CELF2: variants seen among roughly 807,000 people sequenced by gnomAD.
The protein encoded by CELF2 is CUGBP Elav-like family member 2, also known as CUG triplet repeat RNA-binding protein 2.
In CELF2, 8 loss-of-function variants were observed where a neutral mutation model predicts 62.6. The observed-to-expected ratio is 0.13, with a 90% CI of 0.07 to 0.23. The LOEUF is 0.23. Ranked by LOEUF, CELF2 falls within the 10% of genes least tolerant of loss-of-function variation. The probability of loss-of-function intolerance (pLI) is 1.00; values close to 1 mark genes in which losing one functional copy is unlikely to be tolerated. For synonymous variants in CELF2, 258 were observed against 250.0 expected (o/e 1.03, Z -0.30); for missense variants, 333 against 671.0 (o/e 0.50, Z 5.56).
At chr10:10,827,884 G>C (rs1420371138) in intron 1 of CELF2, among the ~76,000 whole-genome samples, 1 of 147,814 alleles carries the variant, frequency 6.8e-6, no homozygotes, top group Non-Finnish European at 1.5e-5. Flanking sequence ...CTAGAGAGTA[G>C]AATAAAACAC....
chr10:10,491,495 T>C, the CELF2 span, among the ~76,000 whole-genome samples: 1 of 152,178 alleles, frequency 6.6e-6, no homozygotes, highest in African/African-American at 2.4e-5. Flanking sequence ...CAGCCCTGTG[T>C]TTTCCTAAAT....
intron 1 of CELF2, chr10:11,030,576 A>G (rs2059940754): frequency 6.6e-6 from 1 of 152,218 alleles, no homozygotes. Context: ...CCGAGGTTGC[A>G]GCTCTGTTTC....
chr10:10,535,779 G>T, the CELF2 span, among the ~76,000 whole-genome samples: 1 of 152,188 alleles, frequency 6.6e-6, no homozygotes, highest in Non-Finnish European at 1.5e-5. Flanking sequence ...TTGGCTTGGG[G>T]GACCTTATCC....
intron 1 of CELF2, among the ~76,000 whole-genome samples, chr10:10,821,327 G>A (rs1016238028): frequency 6.6e-6 from 1 of 152,168 alleles, no homozygotes; most frequent in African/African-American, 2.4e-5. Flanking sequence ...GGCACACGTG[G>A]ATGCTGGGTG....
the CELF2 span, among the ~76,000 whole-genome samples, chr10:10,472,318 G>A: frequency 6.6e-6 from 1 of 151,580 alleles, no homozygotes; most frequent in African/African-American, 2.4e-5. Flanking sequence ...AATTTGTATT[G>A]ATTTATCTTC....
intron 2 of CELF2, among the ~76,000 whole-genome samples, chr10:10,981,957 T>A (rs988513750): frequency 2.7e-5 from 4 of 145,712 alleles, no homozygotes; most frequent in Non-Finnish European, 6.0e-5. Flanking sequence ...TTCCTTTTTT[T>A]TTTTTTTTTT....
At chr10:10,728,312 G>A in the CELF2 span, among the ~76,000 whole-genome samples, 63,751 of 150,420 alleles carry the variant, frequency 0.42, 14,443 homozygotes, top group Middle Eastern at 0.51. Flanking sequence ...AATTAGCCAG[G>A]CGTGGTGGTG....
intron 1 of CELF2, among the ~76,000 whole-genome samples, chr10:11,078,631 C>G (rs1462709463): frequency 6.6e-6 from 1 of 152,140 alleles, no homozygotes; most frequent in Admixed American, 6.5e-5. Flanking sequence ...TAACACTGGA[C>G]TTATTTAAAA....
the CELF2 span, among the ~76,000 whole-genome samples, chr10:10,518,702 A>G: frequency 6.8e-6 from 1 of 147,082 alleles, no homozygotes; most frequent in African/African-American, 2.6e-5. Context: ...AGTAGATATA[A>G]CATACCACAA....
At chr10:10,874,084 C>T (rs1443375831) in intron 1 of CELF2, among the ~76,000 whole-genome samples, 1 of 152,148 alleles carries the variant, frequency 6.6e-6, no homozygotes, top group African/African-American at 2.4e-5. Flanking sequence ...GCAGAGGCAG[C>T]CAGGCTCGCT....
intron 2 of CELF2, among the ~76,000 whole-genome samples, chr10:11,168,670 G>T (rs1279777136): frequency 1.3e-5 from 2 of 152,140 alleles, no homozygotes; most frequent in Admixed American, 1.3e-4. Flanking sequence ...TGCCTTACCC[G>T]TGTTGATGGT....
intron 1 of CELF2, among the ~76,000 whole-genome samples, chr10:10,887,296 A>C (rs1329909030): frequency 6.6e-6 from 1 of 152,196 alleles, no homozygotes; most frequent in Admixed American, 6.5e-5. Flanking sequence ...CACAGATAGC[A>C]CGTGAAGTTC....
At chr10:10,887,651 C>G (rs2061847992) in intron 1 of CELF2, among the ~76,000 whole-genome samples, 1 of 152,088 alleles carries the variant, frequency 6.6e-6, no homozygotes, top group Non-Finnish European at 1.5e-5. Context: ...TTTTTCTAGT[C>G]CTTTTTTTCT....
intron 1 of CELF2, among the ~76,000 whole-genome samples, chr10:11,115,283 A>G (rs759473874): frequency 6.6e-6 from 1 of 152,216 alleles, no homozygotes; most frequent in Non-Finnish European, 1.5e-5. Flanking sequence ...ATAAAAAGGG[A>G]TGTGTGTTTT....
chr10:10,900,311 A>G (rs2062846580), intron 1 of CELF2, among the ~76,000 whole-genome samples: 1 of 152,234 alleles, frequency 6.6e-6, no homozygotes, highest in Non-Finnish European at 1.5e-5. Flanking sequence ...GTGAACATAG[A>G]TGTAAAATTC....
chr10:10,920,109 A>T, intron 2 of CELF2: 1 of 716,954 alleles, frequency 1.4e-6, no homozygotes, highest in Non-Finnish European at 1.9e-6. Flanking sequence ...TCCTCATGTC[A>T]GATTTTGATA....
chr10:11,113,923 AAAAT>A (rs2055897993), intron 1 of CELF2, among the ~76,000 whole-genome samples: 2 of 152,206 alleles, frequency 1.3e-5, no homozygotes, highest in Non-Finnish European at 2.9e-5. Flanking sequence ...CTGCTGTCAG[AAAAT>A]GTGCTGGCTC....
chr10:11,148,486 A>G (rs1236818962), intron 1 of CELF2, among the ~76,000 whole-genome samples: 1 of 152,226 alleles, frequency 6.6e-6, no homozygotes, highest in African/African-American at 2.4e-5. Context: ...AGACGCATCC[A>G]GTGTTAGAGA....
chr10:11,269,660 G>A lies in CELF2; in HGVS notation c.619-1006G>A, dbSNP rs1419608029. On this transcript the variant is annotated intron_variant, in intron 6 of 12. Coordinates refer to ENST00000633077, the MANE Select transcript of CELF2 (RefSeq NM_001326342.2). This position sits in a 1 kb window ranked among gnomAD's most constrained non-coding sequence, Gnocchi z 4.4. The stretch of plus-strand genomic sequence containing the variant: ...AGGCAAGCCACACAAAGGAGGAGAA[G>A]AGGCTGGGGAAGGAGGGGGAGACTT... Among the ~76,000 whole-genome samples, 1 of 150,496 alleles carries A rather than the reference G, an allele frequency of 6.6e-6. No individual in the cohort carries two copies. Among genetic ancestry groups the A allele is most frequent in the Non-Finnish European group, 1.5e-5 (1 of 67,668 alleles).
Sources: gnomAD v4.1 joint callset for allele counts (sites outside exome capture counted in the v4.1 genomes callset) on GRCh38, gnomAD v4.1.1 for gene constraint, Gnocchi (gnomAD v3.1) non-coding constraint, MANE v1.5 for transcripts, NCBI Gene and HGNC (gene_info 2026-07-23, HGNC 2026-07-21) for gene names.